Variants in CAGE1 observed in about 807,000 individuals in gnomAD.
CAGE1 encodes cancer-associated gene 1 protein.
A neutral mutation model predicts 94.9 loss-of-function variants in CAGE1; 66 were observed. The observed-to-expected ratio is 0.70, with a 90% CI of 0.57 to 0.85. The LOEUF (loss-of-function observed/expected upper bound fraction) is 0.85, where lower values mean the gene tolerates loss of function less well. Among genes scored for constraint, CAGE1 ranks in the 40% least tolerant of loss-of-function variants. The pLI is 0.00. For missense variants in CAGE1, 865 were observed against 950.4 expected (o/e 0.91, Z 1.18); for synonymous variants, 319 against 321.0 (o/e 0.99, Z 0.07).
chr6:7,389,581 T>C lies in CAGE1; in HGVS notation c.-403A>G, dbSNP rs374452600. 2.3e-4 allele frequency: 76 copies of C among 332,614 alleles called. No individual in the cohort carries two copies. The East Asian group carries it at 5.8e-3, about 25-fold the overall frequency. 20.6% of individuals were successfully genotyped at this position (332,614 alleles called of 1,614,324 possible). On this transcript the variant is annotated 5_prime_UTR_variant, in exon 1 of 14. Transcript: ENST00000502583. ...CCCCTAGGCCGAACAGCCTGTGGGC[T>C]AGCTGGCGCCTCCTGCCGCAGTAAA...
intron 11 of CAGE1, chr6:7,340,976 C>T (rs1759149224): frequency 2.3e-6 from 1 of 439,526 alleles, no homozygotes; most frequent in African/African-American, 2.0e-5. Context: ...ATAACAACAG[C>T]TTGTTGTCCA....
chr6:7,368,761 C>T lies in CAGE1; in HGVS notation c.1931G>A (p.Ser644Asn), dbSNP rs2113442367. 6.4e-7 allele frequency: 1 copy of T among 1,559,144 alleles called. No homozygotes were observed. Among genetic ancestry groups the T allele is most frequent in the Non-Finnish European group, 8.7e-7 (1 of 1,151,250 alleles). Residue 644 changes from serine (S) to asparagine (N), a missense_variant, in exon 7 of 14, where the codon AGT becomes AAT. Transcript: ENST00000502583. ...CAGCATTATATCACTAACCTTCTCA[C>T]TCTCTTTGAAATGTTCAGCATCAGA... is the stretch of plus-strand genomic sequence containing the variant. ...INSDAEHFKE[S>N]EKVSDIMLQK... is the part of the protein sequence containing the mutation.
At chr6:7,385,099 G>A (rs564263902) in intron 3 of CAGE1, among the ~76,000 whole-genome samples, 1 of 152,154 alleles carries the variant, frequency 6.6e-6, no homozygotes, top group African/African-American at 2.4e-5. Flanking sequence ...TCCACCTCCT[G>A]GGTTCAAGGG....
At chr6:7,326,998 G>A in intron 13 of CAGE1, 99 bp from the exon 14 acceptor site, 2 of 809,582 alleles carry the variant, frequency 2.5e-6, no homozygotes, top group South Asian at 2.8e-5. Flanking sequence ...ATATGGAAAA[G>A]GGGTGCAAAG....
rs568859672 is a variant in CAGE1, at chr6:7,327,936, T to A, written c.2479-1037A>T. On this transcript the variant is annotated intron_variant, in intron 13 of 13. Coordinates refer to ENST00000502583, the MANE Select transcript of CAGE1 (RefSeq NM_001170692.2). ...CAAGAGTGAAACTCCGTCTAAAAAA[T>A]AAATAAATAAATAAATAAATAAATA... Among the ~76,000 whole-genome samples the A allele has an allele frequency of 2.4e-4, 33 of 135,058 alleles. No homozygotes were observed. In the East Asian group the frequency reaches 5.3e-3, roughly 22 times the overall value. 88.6% of individuals were successfully genotyped at this position (135,058 alleles called of 152,430 possible). A position where few individuals can be genotyped will look rare whatever the true frequency, so the allele number is the denominator to read the frequency against.
At chr6:7,332,178 C>T (rs755426717) in intron 12 of CAGE1, among the ~76,000 whole-genome samples, 7 of 152,162 alleles carry the variant, frequency 4.6e-5, no homozygotes, top group Non-Finnish European at 1.0e-4. Flanking sequence ...TTGCTCATTT[C>T]CCTCTCCATT....
At chr6:7,344,479 C>T (rs914763768) in intron 11 of CAGE1, among the ~76,000 whole-genome samples, 21 of 152,258 alleles carry the variant, frequency 1.4e-4, no homozygotes, top group African/African-American at 4.6e-4. Flanking sequence ...GACCTACAGC[C>T]CGCCATGCCT....
intron 11 of CAGE1, among the ~76,000 whole-genome samples, chr6:7,352,313 AAAC>A (rs997596686): frequency 8.2e-4 from 108 of 132,410 alleles, no homozygotes; most frequent in African/African-American, 2.9e-3. Flanking sequence ...AAACAAAAAA[AAAC>A]AAAAAAAAAA....
At position 7,329,088 on chromosome 6, in the gene CAGE1, C is replaced by T. The variant is rs377011646; in HGVS notation, c.2478+761G>A. On this transcript the variant is annotated intron_variant, in intron 13 of 13. Transcript: ENST00000502583. ...CTGGGATTACAGGCACGCACCACAA[C>T]ATCTGGCTAATTTTCTGTATTTTTA... The T allele has an allele frequency of 5.7e-4, 162 of 286,680 alleles. 1 individual carries two copies. Among genetic ancestry groups the T allele is most frequent in the African/African-American group, 3.4e-3 (154 of 45,178 alleles). 17.8% of individuals were successfully genotyped at this position (286,680 alleles called of 1,614,324 possible). A position where few individuals can be genotyped will look rare whatever the true frequency, so the allele number is the denominator to read the frequency against.
chr6:7,358,026 AG>A (rs746523808), intron 9 of CAGE1, among the ~76,000 whole-genome samples: 38,647 of 96,354 alleles, frequency 0.4, 7,854 homozygotes, highest in Admixed American at 0.5. Context: ...GTAAGTTTTG[AG>A]ATATATATAT....
At chr6:7,348,843 A>G (rs1026709314) in intron 11 of CAGE1, among the ~76,000 whole-genome samples, 2 of 152,196 alleles carry the variant, frequency 1.3e-5, no homozygotes, top group Non-Finnish European at 2.9e-5. Flanking sequence ...CTTTGAATTA[A>G]CCCAATCCAA....
chr6:7,345,228 G>A (rs549591390), intron 11 of CAGE1, among the ~76,000 whole-genome samples: 3 of 149,032 alleles, frequency 2.0e-5, no homozygotes, highest in East Asian at 2.0e-4. Flanking sequence ...TAAGCTACCA[G>A]CCTACCAAGA....
chr6:7,377,410 A>C (rs765692449), intron 4 of CAGE1, among the ~76,000 whole-genome samples: 3 of 152,206 alleles, frequency 2.0e-5, no homozygotes, highest in Non-Finnish European at 2.9e-5. Flanking sequence ...TGTAAATAAG[A>C]CATTATAGTC....
In CAGE1 at chr6:7,389,311, C is replaced by G; in HGVS notation, c.-133G>C. On this transcript the variant is annotated 5_prime_UTR_variant, in exon 1 of 14. Coordinates refer to ENST00000502583, the MANE Select transcript of CAGE1 (RefSeq NM_001170692.2). ...CAGGATCCATAGTTTCTTGGACCCA[C>G]GCTACGGACCTGGCTCTCCCTCCCT... The G allele has an allele frequency of 6.6e-6, 3 of 456,302 alleles. No individual in the cohort carries two copies. The highest frequency in any genetic ancestry group is 4.6e-5 in the South Asian group (3 of 64,564). The allele number at this position is 456,302 out of a possible 1,614,324, so 28.3% of individuals were successfully genotyped here.
chr6:7,365,422 T>C (rs1362631102), intron 9 of CAGE1, 46 bp downstream of exon 9: 2 of 1,464,220 alleles, frequency 1.4e-6, no homozygotes, highest in African/African-American at 2.8e-5. Context: ...AGTAAAATAA[T>C]GTTGTGTATA....
At chr6:7,367,573 C>G (rs1467676206) in intron 7 of CAGE1, among the ~76,000 whole-genome samples, 3 of 152,078 alleles carry the variant, frequency 2.0e-5, no homozygotes, top group Non-Finnish European at 4.4e-5. Flanking sequence ...CTGTGCCCAG[C>G]CTGAAATTGT....
In CAGE1 at chr6:7,341,032, A is replaced by C. The variant is rs899184021; in HGVS notation, c.2370-6942T>G. On this transcript the variant is annotated intron_variant, in intron 11 of 13. Transcript: ENST00000502583. ...TTGCTCTTCAAATGTACAGGGATCC[A>C]GGTACTTTTTCAAGTTGATCCAGAT... 3 of 470,058 alleles carry C rather than the reference A, an allele frequency of 6.4e-6. No individual in the cohort carries two copies. The Admixed American group carries it at 7.7e-5, about 12-fold the overall frequency. The allele number at this position is 470,058 out of a possible 1,614,324, so 29.1% of individuals were successfully genotyped here. A position where few individuals can be genotyped will look rare whatever the true frequency, so the allele number is the denominator to read the frequency against.
At chr6:7,345,728 C>T (rs1759472691) in intron 11 of CAGE1, among the ~76,000 whole-genome samples, 1 of 151,746 alleles carries the variant, frequency 6.6e-6, no homozygotes, top group Non-Finnish European at 1.5e-5. Flanking sequence ...GAAATTGAGA[C>T]CATCCTGGCT....
intron 11 of CAGE1, among the ~76,000 whole-genome samples, chr6:7,347,895 C>T (rs372781992): frequency 6.6e-6 from 1 of 152,058 alleles, no homozygotes; most frequent in Non-Finnish European, 1.5e-5. Flanking sequence ...AACCCCATCC[C>T]CCACAGCAGC....
Sources: gnomAD v4.1 joint callset for allele counts (sites outside exome capture counted in the v4.1 genomes callset) on GRCh38, gnomAD v4.1.1 for gene constraint, MANE v1.5 for transcripts, NCBI Gene and HGNC (gene_info 2026-07-23, HGNC 2026-07-21) for gene names.